Variants in GFRA1 observed in about 807,000 individuals in gnomAD.
The protein encoded by GFRA1 is GDNF family receptor alpha-1.
Under a neutral mutation model 51.6 loss-of-function variants are expected in GFRA1, and 16 were observed. That is an observed-to-expected ratio of 0.31 (90% CI 0.21 to 0.47). GFRA1 has a LOEUF of 0.47. Among genes scored for constraint, GFRA1 ranks in the 20% least tolerant of loss-of-function variants. The probability of loss-of-function intolerance (pLI) is 1.00; values close to 1 mark genes in which losing one functional copy is unlikely to be tolerated. For synonymous variants in GFRA1, 270 were observed against 241.3 expected (o/e 1.12, Z -1.10); for missense variants, 530 against 594.3 (o/e 0.89, Z 1.13).
intron 5 of GFRA1, among the ~76,000 whole-genome samples, chr10:116,205,596 G>GATATATATAT (rs140642664): frequency 9.2e-5 from 13 of 140,606 alleles, no homozygotes; most frequent in African/African-American, 3.1e-4. Context: ...AAAAAAAAAA[G>GATATATATAT]ATATATATAT....
intron 5 of GFRA1, among the ~76,000 whole-genome samples, chr10:116,141,714 G>A (rs1343913721): frequency 6.6e-6 from 1 of 152,140 alleles, no homozygotes; most frequent in Admixed American, 6.5e-5. Context: ...CTCCTGAGTA[G>A]CTGGGATTAC....
At chr10:116,210,272 C>A (rs570955874) in intron 5 of GFRA1, among the ~76,000 whole-genome samples, 1 of 152,256 alleles carries the variant, frequency 6.6e-6, no homozygotes, top group East Asian at 1.9e-4. Flanking sequence ...GTAACCTCAA[C>A]ACACATGTTC....
intron 4 of GFRA1, among the ~76,000 whole-genome samples, chr10:116,261,749 T>A (rs578188914): frequency 6.6e-6 from 1 of 152,324 alleles, no homozygotes; most frequent in East Asian, 1.9e-4. Context: ...AGATTCAATA[T>A]ACGGGCCCTT....
At chr10:116,234,779 A>C (rs10159509) in intron 4 of GFRA1, among the ~76,000 whole-genome samples, 3,511 of 152,190 alleles carry the variant, frequency 0.023, 129 homozygotes, top group African/African-American at 0.08. Flanking sequence ...CTGTGTCCCT[A>C]CCCAAATCTC....
chr10:116,131,782 T>G (rs966918430), intron 5 of GFRA1, among the ~76,000 whole-genome samples: 4 of 151,692 alleles, frequency 2.6e-5, no homozygotes, highest in African/African-American at 7.3e-5. Flanking sequence ...GAATAAGAGA[T>G]AACTTTCTGG....
In GFRA1 at chr10:116,272,304, G is replaced by A. The variant is rs920008633; in HGVS notation, c.-246-29C>T. 1.3e-5 allele frequency: 7 copies of A among 557,980 alleles called. 1 individual carries two copies. The highest frequency in any genetic ancestry group is 4.2e-5 in the South Asian group (2 of 47,934). The allele number at this position is 557,980 out of a possible 1,614,324, so 34.6% of individuals were successfully genotyped here. A position where few individuals can be genotyped will look rare whatever the true frequency, so the allele number is the denominator to read the frequency against. The stretch of plus-strand genomic sequence containing the variant: ...GAAGGGAGGGCGCGCTTTGAGATGA[G>A]AGCGGAGAGCGCCGGAGACTCCCCC... On this transcript the variant is annotated intron_variant, in intron 1 of 10. Coordinates refer to ENST00000355422, the MANE Select transcript of GFRA1 (RefSeq NM_005264.8). This position sits in a 1 kb window ranked among gnomAD's most constrained non-coding sequence, Gnocchi z 4.4.
chr10:116,114,125 G>C (rs2133978255), intron 6 of GFRA1, among the ~76,000 whole-genome samples: 1 of 152,280 alleles, frequency 6.6e-6, no homozygotes, highest in South Asian at 2.1e-4. Context: ...GCTGCCCTTT[G>C]CTGGATCCCT....
intron 4 of GFRA1, among the ~76,000 whole-genome samples, chr10:116,247,933 CATG>C (rs955917521): frequency 6.6e-6 from 1 of 152,144 alleles, no homozygotes; most frequent in Non-Finnish European, 1.5e-5. Flanking sequence ...TCACTTATGC[CATG>C]ATACTTTAAG....
chr10:116,081,147 T>C (rs1955831945), intron 9 of GFRA1, among the ~76,000 whole-genome samples: 1 of 152,184 alleles, frequency 6.6e-6, no homozygotes, highest in African/African-American at 2.4e-5. Flanking sequence ...GAGGGGGTCA[T>C]AGGAACCCCT....
rs1954780759 is a variant in GFRA1 at position 116,060,917 on chromosome 10, G to A, written c.*3481C>T. On this transcript the variant is annotated 3_prime_UTR_variant, in exon 11 of 11. Coordinates refer to ENST00000355422, the MANE Select transcript of GFRA1 (RefSeq NM_005264.8). Reference sequence around the variant, plus strand: ...CAGAAATACATTTCCGCTGAATTCTGAGAAAAGAATTCGCTAATTATATAA... The same window carrying A: ...CAGAAATACATTTCCGCTGAATTCTAAGAAAAGAATTCGCTAATTATATAA... The A allele has an allele frequency of 6.6e-6, 1 of 152,146 alleles. No individual in the cohort carries two copies. The highest frequency in any genetic ancestry group is 2.4e-5 in the African/African-American group (1 of 41,430). The allele number at this position is 152,146 out of a possible 1,614,324, so 9.4% of individuals were successfully genotyped here. A position where few individuals can be genotyped will look rare whatever the true frequency, so the allele number is the denominator to read the frequency against.
intron 4 of GFRA1, among the ~76,000 whole-genome samples, chr10:116,250,680 G>A (rs1968264635): frequency 6.6e-6 from 1 of 152,126 alleles, no homozygotes; most frequent in Non-Finnish European, 1.5e-5. Context: ...ATAGTGAAAC[G>A]CAGCCAGATA....
chr10:116,230,479 A>AG (rs1414542890), intron 4 of GFRA1, among the ~76,000 whole-genome samples: 1 of 152,190 alleles, frequency 6.6e-6, no homozygotes, highest in Non-Finnish European at 1.5e-5. Context: ...GCTCCTCGTA[A>AG]GTTCCTGGAA....
chr10:116,177,935 T>C (rs78756736), intron 5 of GFRA1, among the ~76,000 whole-genome samples: 6,376 of 152,202 alleles, frequency 0.042, 209 homozygotes, highest in Non-Finnish European at 0.067. Flanking sequence ...AAGCAAACCC[T>C]CTAGAGACCC....
chr10:116,111,974 C>T (rs1306547072), intron 6 of GFRA1, among the ~76,000 whole-genome samples: 1 of 152,154 alleles, frequency 6.6e-6, no homozygotes, highest in Non-Finnish European at 1.5e-5. Flanking sequence ...CCCTCGGGGC[C>T]CTACAGAGCA....
chr10:116,073,857 A>G (rs1429367496), intron 9 of GFRA1, among the ~76,000 whole-genome samples: 2 of 152,192 alleles, frequency 1.3e-5, no homozygotes, highest in African/African-American at 4.8e-5. Context: ...AAGGTTTGAT[A>G]TAAAACACCA....
intron 5 of GFRA1, among the ~76,000 whole-genome samples, chr10:116,210,759 G>A (rs1354964806): frequency 6.6e-6 from 1 of 152,168 alleles, no homozygotes; most frequent in Non-Finnish European, 1.5e-5. Flanking sequence ...ATGCCTGGGT[G>A]TATTTTTAAA....
intron 9 of GFRA1, among the ~76,000 whole-genome samples, chr10:116,069,030 T>C (rs1237428345): frequency 1.3e-5 from 2 of 152,102 alleles, no homozygotes; most frequent in Non-Finnish European, 2.9e-5. Flanking sequence ...GGTGCAATAA[T>C]AGAAGGGCTG....
intron 4 of GFRA1, among the ~76,000 whole-genome samples, chr10:116,258,495 T>C (rs1969067444): frequency 1.3e-5 from 2 of 149,184 alleles, no homozygotes; most frequent in African/African-American, 2.4e-5. Flanking sequence ...TAATGTAATA[T>C]ATATATTATA....
rs552783935 is a variant in GFRA1 at position 116,058,393 on chromosome 10, G to A, written c.*6005C>T. ...GCACCATGGCCGGTACCTGACAGCT[G>A]TGACTTCCCCGCCGCTGTGCCTACC... On this transcript the variant is annotated 3_prime_UTR_variant, in exon 11 of 11. Transcript: ENST00000355422. 6.6e-6 allele frequency: 1 copy of A among 152,298 alleles called. No homozygotes were observed. Among genetic ancestry groups the A allele is most frequent in the African/African-American group, 2.4e-5 (1 of 41,452 alleles). 9.4% of individuals were successfully genotyped at this position (152,298 alleles called of 1,614,324 possible). A position where few individuals can be genotyped will look rare whatever the true frequency, so the allele number is the denominator to read the frequency against.
Sources: gnomAD v4.1 joint callset for allele counts (sites outside exome capture counted in the v4.1 genomes callset) on GRCh38, gnomAD v4.1.1 for gene constraint, Gnocchi (gnomAD v3.1) non-coding constraint, MANE v1.5 for transcripts, NCBI Gene and HGNC (gene_info 2026-07-23, HGNC 2026-07-21) for gene names.